The following PDGFC variants were observed in gnomAD, a reference collection of about 807,000 sequenced individuals.
PDGFC encodes the protein platelet derived growth factor C.
In PDGFC, 12 loss-of-function variants were observed where a neutral mutation model predicts 35.5. The ratio of observed to expected loss-of-function variants is 0.34; its 90% confidence interval spans 0.22 to 0.55. PDGFC has a LOEUF of 0.55. Among genes scored for constraint, PDGFC ranks in the 20% least tolerant of loss-of-function variants. The probability of loss-of-function intolerance (pLI) is 0.91; values close to 1 mark genes in which losing one functional copy is unlikely to be tolerated. For synonymous variants in PDGFC, 159 were observed against 148.8 expected (o/e 1.07, Z -0.50); for missense variants, 322 against 412.4 (o/e 0.78, Z 1.90).
At chr4:156,774,668 T>C (rs1246248282) in intron 3 of PDGFC, among the ~76,000 whole-genome samples, 2 of 151,470 alleles carry the variant, frequency 1.3e-5, no homozygotes, top group Non-Finnish European at 2.9e-5. Flanking sequence ...TTTTTTTTTT[T>C]TTTAACAAAA....
chr4:156,776,146 T>A (rs1454820364), intron 3 of PDGFC, among the ~76,000 whole-genome samples: 1 of 152,212 alleles, frequency 6.6e-6, no homozygotes, highest in Non-Finnish European at 1.5e-5. Context: ...TGTCTTTGAA[T>A]TTTTAAGTTT....
chr4:156,847,680 T>C (rs938675399), intron 2 of PDGFC, among the ~76,000 whole-genome samples: 3 of 151,966 alleles, frequency 2.0e-5, no homozygotes, highest in South Asian at 4.1e-4. Flanking sequence ...GATGCTAACA[T>C]TGGAGGAACC....
chr4:156,835,070 G>A lies in PDGFC; in HGVS notation c.314+15151C>T, dbSNP rs572791152. Among the ~76,000 whole-genome samples the A allele has an allele frequency of 2.6e-5, 4 of 152,260 alleles. No individual in the cohort carries two copies. The South Asian group carries it at 6.2e-4, about 24-fold the overall frequency. ...AATGTTATATTACTCATTTAGATGA[G>A]GTGTGGGATAGGGTCGGAGAGGGCT... On this transcript the variant is annotated intron_variant, in intron 2 of 5. Coordinates refer to ENST00000502773, the MANE Select transcript of PDGFC (RefSeq NM_016205.3).
intron 3 of PDGFC, among the ~76,000 whole-genome samples, chr4:156,799,730 T>C (rs1731547197): frequency 6.6e-6 from 1 of 152,202 alleles, no homozygotes; most frequent in Admixed American, 6.5e-5. Flanking sequence ...TGATGAAATA[T>C]GACTGATAAG....
At chr4:156,807,836 T>C (rs528986671) in intron 3 of PDGFC, among the ~76,000 whole-genome samples, 1 of 152,162 alleles carries the variant, frequency 6.6e-6, no homozygotes, top group South Asian at 2.1e-4. Context: ...TCACTTAAAA[T>C]TTTTTCTGTA....
At chr4:156,925,294 A>C (rs556253167) in intron 1 of PDGFC, among the ~76,000 whole-genome samples, 1 of 152,290 alleles carries the variant, frequency 6.6e-6, no homozygotes, top group Admixed American at 6.5e-5. Flanking sequence ...GCATTTTTTT[A>C]AAGACTCTCT....
At chr4:156,932,613 G>A (rs1488046029) in intron 1 of PDGFC, among the ~76,000 whole-genome samples, 1 of 151,898 alleles carries the variant, frequency 6.6e-6, no homozygotes, top group Non-Finnish European at 1.5e-5. Flanking sequence ...GGATGAAGCT[G>A]GAAACCATCA....
intron 2 of PDGFC, among the ~76,000 whole-genome samples, chr4:156,824,376 A>G (rs1403241080): frequency 6.8e-6 from 1 of 145,994 alleles, no homozygotes; most frequent in Non-Finnish European, 1.5e-5. Flanking sequence ...ACACACACAT[A>G]CATACATACA....
chr4:156,768,092 T>G, intron 4 of PDGFC, 102 bp from the exon 5 acceptor site: 1 of 743,978 alleles, frequency 1.3e-6, no homozygotes, highest in Non-Finnish European at 2.3e-6. Context: ...CGTTATTTCA[T>G]GAACAATATC....
intron 2 of PDGFC, among the ~76,000 whole-genome samples, chr4:156,845,091 C>A (rs1018204826): frequency 1.3e-5 from 2 of 151,746 alleles, no homozygotes; most frequent in Non-Finnish European, 3.0e-5. Context: ...TCTGTAACTG[C>A]ATTTTAAAAA....
intron 1 of PDGFC, among the ~76,000 whole-genome samples, chr4:156,867,778 G>A (rs2111132818): frequency 6.6e-6 from 1 of 152,262 alleles, no homozygotes. Flanking sequence ...CTGAAAATAT[G>A]AAACCCCAAA....
Position 156,971,482 on chromosome 4 carries a change from G to A in PDGFC, c.-579C>T, listed in dbSNP as rs1440660329. 7.7e-5 allele frequency: 19 copies of A among 248,028 alleles called. No homozygotes were observed. In the East Asian group the frequency reaches 1.4e-3, roughly 18 times the overall value. 15.4% of individuals were successfully genotyped at this position (248,028 alleles called of 1,614,324 possible). ...CGCCGCGGCGGGTCCCACGGGCCGG[G>A]GCGCCGGAGCGGGGCCGGGGGGCTC... On this transcript the variant is annotated 5_prime_UTR_variant, in exon 1 of 6. Transcript: ENST00000502773.
intron 1 of PDGFC, among the ~76,000 whole-genome samples, chr4:156,865,282 G>A (rs1338345878): frequency 2.6e-5 from 4 of 151,484 alleles, no homozygotes; most frequent in African/African-American, 7.3e-5. Context: ...TACTTCCAAC[G>A]TAACTCTATA....
At chr4:156,824,327 T>TATATATACAC (rs1491500876) in intron 2 of PDGFC, among the ~76,000 whole-genome samples, 12 of 102,822 alleles carry the variant, frequency 1.2e-4, no homozygotes, top group South Asian at 3.2e-4. Context: ...TATATATATA[T>TATATATACAC]ACACACACAC....
chr4:156,956,863 A>G (rs751213707), intron 1 of PDGFC, among the ~76,000 whole-genome samples: 2 of 152,018 alleles, frequency 1.3e-5, no homozygotes, highest in African/African-American at 2.4e-5. Flanking sequence ...AGCCCAGATT[A>G]TGAGACATAG....
At chr4:156,832,378 T>C (rs139454963) in intron 2 of PDGFC, among the ~76,000 whole-genome samples, 3,523 of 150,112 alleles carry the variant, frequency 0.023, 129 homozygotes, top group African/African-American at 0.08. Context: ...TGCCTCAGCC[T>C]CCTGAGTAGC....
intron 3 of PDGFC, among the ~76,000 whole-genome samples, chr4:156,795,453 A>G (rs1204637458): frequency 6.6e-6 from 1 of 152,186 alleles, no homozygotes; most frequent in Non-Finnish European, 1.5e-5. Context: ...TGGAAGAAAT[A>G]CAACACAACT....
chr4:156,857,033 G>GT lies in PDGFC; in HGVS notation c.119-6618_119-6617insA, dbSNP rs1729599961. ...CTAAACTGTAAAATATGATCTATTT[G>GT]ATAATAAAATCTGTTATTTTAGGCA... On this transcript the variant is annotated intron_variant, in intron 1 of 5. Transcript: ENST00000502773. Among the ~76,000 whole-genome samples the GT allele has an allele frequency of 8.7e-5, 13 of 149,810 alleles. No individual in the cohort carries two copies. The South Asian group carries it at 2.7e-3, about 31-fold the overall frequency.
chr4:156,887,328 G>T (rs936768658), intron 1 of PDGFC, among the ~76,000 whole-genome samples: 4 of 152,036 alleles, frequency 2.6e-5, no homozygotes, highest in African/African-American at 4.8e-5. Flanking sequence ...TTAGTAACAA[G>T]GCAGAAAATA....
Sources: allele counts gnomAD v4.1 joint callset (sites outside exome capture counted in the v4.1 genomes callset), GRCh38; gene constraint gnomAD v4.1.1; transcripts MANE v1.5; gene names NCBI Gene and HGNC (gene_info 2026-07-23, HGNC 2026-07-21).